The following RNMT variants were observed in gnomAD, a reference collection of about 807,000 sequenced individuals.
RNMT encodes the protein mRNA cap guanine-N(7) methyltransferase.
RNMT carries 27 observed loss-of-function variants against 56.0 expected under a neutral mutation model. The ratio of observed to expected loss-of-function variants is 0.48; its 90% confidence interval spans 0.36 to 0.67. RNMT has a LOEUF of 0.67. RNMT is among the 30% of genes least tolerant of loss of function. The probability of loss-of-function intolerance (pLI) is 0.00; values close to 1 mark genes in which losing one functional copy is unlikely to be tolerated. For synonymous variants in RNMT, 184 were observed against 176.2 expected, an observed-to-expected ratio of 1.04 and a Z score of -0.35; for missense variants, 519 against 552.1, an observed-to-expected ratio of 0.94 and a Z score of 0.60.
intron 11 of RNMT, 113 bp downstream of exon 11, chr18:13,754,260 A>G: frequency 1.6e-6 from 1 of 633,472 alleles, no homozygotes; most frequent in Non-Finnish European, 2.7e-6. Context: ...TACTCTCAGT[A>G]TTTTGGGATG....
intron 3 of RNMT, among the ~76,000 whole-genome samples, chr18:13,732,762 T>TTGGG (rs142277511): frequency 1.0e-5 from 1 of 98,680 alleles, no homozygotes; most frequent in African/African-American, 4.1e-5. Flanking sequence ...TTTTTTTTTT[T>TTGGG]GGAGACAGAG....
intron 5 of RNMT, among the ~76,000 whole-genome samples, chr18:13,738,964 T>C (rs777066251): frequency 4.6e-5 from 7 of 152,156 alleles, no homozygotes; most frequent in Non-Finnish European, 8.8e-5. Flanking sequence ...CTAGCTTGCC[T>C]GCCACTCACC....
chr18:13,756,096 A>G (rs2044538507), intron 11 of RNMT, among the ~76,000 whole-genome samples: 2 of 152,174 alleles, frequency 1.3e-5, no homozygotes, highest in Non-Finnish European at 2.9e-5. Context: ...CCCAGGCTAC[A>G]TTTTAGACTT....
intron 11 of RNMT, among the ~76,000 whole-genome samples, chr18:13,757,634 G>A (rs568796763): frequency 2.6e-5 from 4 of 152,268 alleles, no homozygotes; most frequent in South Asian, 4.1e-4. Flanking sequence ...TTGCCATCCC[G>A]TCTGCAGCTA....
chr18:13,745,700 T>C (rs551502419), intron 8 of RNMT, among the ~76,000 whole-genome samples: 1 of 138,242 alleles, frequency 7.2e-6, no homozygotes, highest in East Asian at 2.0e-4. Flanking sequence ...AGTAGGGCTC[T>C]GGACTGTACT....
intron 9 of RNMT, among the ~76,000 whole-genome samples, chr18:13,749,727 G>T (rs986593937): frequency 6.6e-6 from 1 of 151,910 alleles, no homozygotes; most frequent in East Asian, 1.9e-4. Context: ...TTGTTTTTTG[G>T]TGAGAGAGTT....
At position 13,730,648 on chromosome 18, in the gene RNMT, CT is replaced by C. The variant is rs1366191493; in HGVS notation, c.-149del. 2.0e-5 allele frequency: 3 copies of C among 152,226 alleles called. No individual in the cohort carries two copies. The highest frequency in any genetic ancestry group is 4.8e-5 in the African/African-American group (2 of 41,458). 9.4% of individuals were successfully genotyped at this position (152,226 alleles called of 1,614,324 possible). A position where few individuals can be genotyped will look rare whatever the true frequency, so the allele number is the denominator to read the frequency against. ...ACAGGATGTGTGAACCTATTGGGTA[CT>C]GTACAACTTCAAGCCTCGAAATCAG... On this transcript the variant is annotated 5_prime_UTR_variant, in exon 2 of 12. An upstream open reading frame in the 5' UTR loses its in-frame stop. Coordinates refer to ENST00000383314, the MANE Select transcript of RNMT (RefSeq NM_003799.3).
chr18:13,734,495 CT>C lies in RNMT; in HGVS notation c.450del (p.Ala151ProfsTer22). On this transcript the variant is annotated frameshift_variant, in exon 4 of 12. Coordinates refer to ENST00000383314, the MANE Select transcript of RNMT (RefSeq NM_003799.3). LOFTEE classifies it high-confidence loss of function. Reference sequence around the variant, plus strand: ...GAAGAAGGACACAGCTCAACAGTGGCTGCCCATTACAATGAACTTCAGGAAG... The same window carrying C: ...GAAGAAGGACACAGCTCAACAGTGGCGCCCATTACAATGAACTTCAGGAAG... ...NLEEGHSSTV[A>X]AHYNELQEVG... The C allele has an allele frequency of 6.2e-7, 1 of 1,613,426 alleles. No homozygotes were observed. Among genetic ancestry groups the C allele is most frequent in the Non-Finnish European group, 8.5e-7 (1 of 1,179,714 alleles).
Position 13,728,429 on chromosome 18 carries a change from G to A in RNMT, c.-172+1700G>A, listed in dbSNP as rs565117725. 1.0e-4 allele frequency among the ~76,000 whole-genome samples: 15 copies of A among 145,238 alleles called. No homozygotes were observed. In the South Asian group the frequency reaches 2.9e-3, roughly 28 times the overall value. ...CAGCTCACTGCAACCTCCACCTCCC[G>A]GGTTCAAGCGATTCTCATGCCTCAG... On this transcript the variant is annotated intron_variant, in intron 1 of 11. Transcript: ENST00000383314.
chr18:13,742,382 T>A (rs2044265617), intron 7 of RNMT, 106 bp from the exon 8 acceptor site: 3 of 926,226 alleles, frequency 3.2e-6, no homozygotes, highest in Admixed American at 2.5e-5. Flanking sequence ...AAAAGGCTAA[T>A]CAAGTGTGCA....
At chr18:13,734,696 GA>G in intron 4 of RNMT, 97 bp downstream of exon 4, 2 of 1,005,856 alleles carry the variant, frequency 2.0e-6, no homozygotes, top group Non-Finnish European at 2.8e-6. Flanking sequence ...AGGTCTTGAA[GA>G]CAAATTCTTC....
At chr18:13,733,145 G>A (rs2149083935) in intron 3 of RNMT, among the ~76,000 whole-genome samples, 1 of 152,098 alleles carries the variant, frequency 6.6e-6, no homozygotes, top group Admixed American at 6.5e-5. Flanking sequence ...ACTTAAACCT[G>A]TTACGTAAAA....
In RNMT at chr18:13,736,899, T is replaced by A. The variant is rs539402952; in HGVS notation, c.554-111T>A. 4.5e-5 allele frequency: 37 copies of A among 824,438 alleles called. No individual in the cohort carries two copies. In the African/African-American group the frequency reaches 6.0e-4, roughly 13 times the overall value. 51.1% of individuals were successfully genotyped at this position (824,438 alleles called of 1,614,324 possible). On this transcript the variant is annotated intron_variant, in intron 4 of 11. Transcript: ENST00000383314. ...ACAAATTACATAAATGGATGTGTAA[T>A]AGTTTATGTTACATATTGGGCAAAA...
chr18:13,762,157 C>G lies in RNMT; in HGVS notation c.*2178C>G. On this transcript the variant is annotated 3_prime_UTR_variant, in exon 12 of 12. Transcript: ENST00000383314. The stretch of plus-strand genomic sequence containing the variant: ...CCAGACCTGCCATGCAGTTTATCCT[C>G]TGAGAATGGAATTGGAAATGAAGAC... 1 of 1,529,748 alleles carries G rather than the reference C, an allele frequency of 6.5e-7. No homozygotes were observed. The highest frequency in any genetic ancestry group is 8.7e-7 in the Non-Finnish European group (1 of 1,144,178). 94.8% of individuals were successfully genotyped at this position (1,529,748 alleles called of 1,614,324 possible).
At chr18:13,729,927 G>C (rs1003302020) in intron 1 of RNMT, among the ~76,000 whole-genome samples, 13 of 152,012 alleles carry the variant, frequency 8.6e-5, no homozygotes, top group African/African-American at 2.4e-4. Context: ...AGCCTGCTGA[G>C]TAACTGGGAC....
intron 1 of RNMT, among the ~76,000 whole-genome samples, chr18:13,728,390 C>T (rs2044009812): frequency 7.4e-6 from 1 of 134,700 alleles, no homozygotes; most frequent in Non-Finnish European, 1.5e-5. Context: ...GGCCGGAGTG[C>T]AGTGGCTTGA....
At chr18:13,741,719 T>G in intron 7 of RNMT, 28 bp downstream of exon 7, 3 of 1,456,124 alleles carry the variant, frequency 2.1e-6, no homozygotes, top group Non-Finnish European at 2.8e-6. Flanking sequence ...TATTGTGGTT[T>G]ATAAAATATT....
chr18:13,739,204 T>C (rs1396523668), intron 5 of RNMT, among the ~76,000 whole-genome samples: 2 of 152,230 alleles, frequency 1.3e-5, no homozygotes, highest in Admixed American at 6.5e-5. Context: ...TCAGTACTGT[T>C]CTTGAAGATG....
At chr18:13,749,026 C>T (rs796233189) in intron 9 of RNMT, among the ~76,000 whole-genome samples, 20 of 152,196 alleles carry the variant, frequency 1.3e-4, no homozygotes, top group Non-Finnish European at 2.1e-4. Flanking sequence ...TTGCAGTGAG[C>T]GAAGATCACG....
Sources: gnomAD v4.1 joint callset for allele counts (sites outside exome capture counted in the v4.1 genomes callset) on GRCh38, gnomAD v4.1.1 for gene constraint, MANE v1.5 for transcripts, NCBI Gene and HGNC (gene_info 2026-07-23, HGNC 2026-07-21) for gene names.